Variants in SLC37A3 observed in about 807,000 individuals in gnomAD.
SLC37A3 encodes sugar phosphate exchanger 3.
In SLC37A3, 51 loss-of-function variants were observed where a neutral mutation model predicts 67.1. That is an observed-to-expected ratio of 0.76 (90% CI 0.61 to 0.96). The LOEUF is 0.96. SLC37A3 is among the 40% of genes least tolerant of loss of function. SLC37A3 has a pLI of 0.00. For missense variants in SLC37A3, 508 were observed against 603.0 expected, an observed-to-expected ratio of 0.84 and a Z score of 1.65; for synonymous variants, 214 against 231.4, an observed-to-expected ratio of 0.92 and a Z score of 0.68.
At position 140,361,919 on chromosome 7, in the gene SLC37A3, G is replaced by A. The variant is rs1428638401; in HGVS notation, c.375+2489C>T. On this transcript the variant is annotated intron_variant, in intron 5 of 14. Transcript: ENST00000326232. ...TCGCTACAACCTCCACCTCCCAGCT[G>A]CCTGCCTTGGCCCCCCAAAGTGCCG... Among the ~76,000 whole-genome samples, 11 of 146,190 alleles carry A rather than the reference G, an allele frequency of 7.5e-5. No individual in the cohort carries two copies. In the East Asian group the frequency reaches 2.3e-3, roughly 31 times the overall value.
chr7:140,338,252 AC>A (rs1255316195), intron 13 of SLC37A3, among the ~76,000 whole-genome samples: 1 of 152,164 alleles, frequency 6.6e-6, no homozygotes, highest in Non-Finnish European at 1.5e-5. Context: ...TACAACCAAC[AC>A]TACCATCTAT....
intron 3 of SLC37A3, 39 bp downstream of exon 3, chr7:140,380,243 C>T: frequency 7.6e-7 from 1 of 1,318,250 alleles, no homozygotes; most frequent in Non-Finnish European, 1.1e-6. Context: ...TGGGCACGGT[C>T]TCCTACTTCG....
At chr7:140,344,522 A>G (rs996766160) in intron 12 of SLC37A3, among the ~76,000 whole-genome samples, 2 of 149,686 alleles carry the variant, frequency 1.3e-5, no homozygotes, top group Non-Finnish European at 3.0e-5. Flanking sequence ...TTGGGAGGCC[A>G]AGGCAGGTGG....
At position 140,337,278 on chromosome 7, in the gene SLC37A3, A is replaced by G; in HGVS notation, c.1392+6T>C. 6.3e-7 allele frequency: 1 copy of G among 1,592,914 alleles called. No homozygotes were observed. The highest frequency in any genetic ancestry group is 1.8e-5 in the Admixed American group (1 of 56,336). ...CTTTTTTTTTTTTAAAGGGGCACAC[A>G]CTTACCATGAGAATGAAAAAGTAGA... On this transcript the variant is annotated splice_donor_region_variant and intron_variant, in intron 14 of 14. Transcript: ENST00000326232.
intron 1 of SLC37A3, among the ~76,000 whole-genome samples, chr7:140,385,837 C>T (rs756500431): frequency 1.4e-4 from 22 of 152,134 alleles, no homozygotes; most frequent in Non-Finnish European, 2.8e-4. Context: ...GGCTGGAATG[C>T]AGTGGCACGA....
intron 3 of SLC37A3, among the ~76,000 whole-genome samples, chr7:140,377,783 C>CT (rs1798090655): frequency 6.6e-6 from 1 of 152,158 alleles, no homozygotes; most frequent in Admixed American, 6.5e-5. Context: ...GTAGTCCCAG[C>CT]TACTCAGGAG....
rs1335616193 is a variant in SLC37A3, at chr7:140,363,183, C to G, written c.375+1225G>C. The stretch of plus-strand genomic sequence containing the variant: ...CCCCTCTGCCCGGCCACGACCCCGT[C>G]TGGGAGGTGTGCCCAGCGGCTCATT... On this transcript the variant is annotated intron_variant, in intron 5 of 14. Transcript: ENST00000326232. Among the ~76,000 whole-genome samples, 11 of 86,190 alleles carry G rather than the reference C, an allele frequency of 1.3e-4. 3 individuals carry two copies. The highest frequency in any genetic ancestry group is 2.8e-4 in the Non-Finnish European group (11 of 39,378). 56.5% of individuals were successfully genotyped at this position (86,190 alleles called of 152,430 possible). A position where few individuals can be genotyped will look rare whatever the true frequency, so the allele number is the denominator to read the frequency against.
chr7:140,362,662 C>A (rs1797387021), intron 5 of SLC37A3, among the ~76,000 whole-genome samples: 4 of 51,306 alleles, frequency 7.8e-5, no homozygotes, highest in South Asian at 1.2e-3. Flanking sequence ...CCGCCCCGTC[C>A]GGGAGGGAGG....
chr7:140,364,939 T>C (rs1647173013), intron 4 of SLC37A3, among the ~76,000 whole-genome samples: 1 of 152,220 alleles, frequency 6.6e-6, no homozygotes, highest in Admixed American at 6.5e-5. Context: ...GGATTCCTCT[T>C]AGCCATCTGC....
chr7:140,372,751 T>C (rs1416408259), intron 3 of SLC37A3, among the ~76,000 whole-genome samples: 4 of 151,812 alleles, frequency 2.6e-5, no homozygotes, highest in African/African-American at 9.7e-5. Context: ...TAATCCCAGC[T>C]ACTCAGGAAG....
intron 11 of SLC37A3, 49 bp downstream of exon 11, chr7:140,345,819 CA>C: frequency 6.9e-7 from 1 of 1,451,782 alleles, no homozygotes; most frequent in Non-Finnish European, 9.7e-7. Context: ...TGCCTTATTC[CA>C]ACCAGATTAG....
chr7:140,383,415 G>A (rs900837587), intron 1 of SLC37A3, among the ~76,000 whole-genome samples: 1 of 152,060 alleles, frequency 6.6e-6, no homozygotes, highest in Non-Finnish European at 1.5e-5. Context: ...AGGTTACAGT[G>A]AGCTATGATC....
intron 3 of SLC37A3, 48 bp downstream of exon 3, chr7:140,380,234 G>A (rs1232325200): frequency 8.7e-7 from 1 of 1,143,768 alleles, no homozygotes. Context: ...ATCTAGGGGT[G>A]GGCACGGTCT....
At chr7:140,353,206 G>A (rs1429649606) in intron 7 of SLC37A3, among the ~76,000 whole-genome samples, 2 of 152,012 alleles carry the variant, frequency 1.3e-5, no homozygotes, top group African/African-American at 4.8e-5. Context: ...AGTCAAGCTG[G>A]GCACGGTGGC....
intron 8 of SLC37A3, 75 bp downstream of exon 8, chr7:140,351,987 C>T (rs1796824760): frequency 5.0e-6 from 7 of 1,402,322 alleles, no homozygotes; most frequent in South Asian, 1.2e-5. Context: ...AAAAGAGATT[C>T]GATTTCTTGG....
intron 3 of SLC37A3, among the ~76,000 whole-genome samples, chr7:140,372,885 C>T (rs552102526): frequency 1.6e-4 from 24 of 151,886 alleles, no homozygotes; most frequent in Admixed American, 2.6e-4. Flanking sequence ...GCCAGTGTCA[C>T]GTAAGACTGT....
chr7:140,351,950 A>C, intron 8 of SLC37A3, 112 bp downstream of exon 8: 1 of 1,058,350 alleles, frequency 9.4e-7, no homozygotes, highest in Non-Finnish European at 1.4e-6. Context: ...TTCACTCACT[A>C]AAAGGAGCTC....
chr7:140,351,111 C>T (rs1796775826), intron 9 of SLC37A3, among the ~76,000 whole-genome samples, 162 bp downstream of exon 9: 1 of 152,152 alleles, frequency 6.6e-6, no homozygotes, highest in Non-Finnish European at 1.5e-5. Context: ...CATTAGAGAT[C>T]AGATAAGCTG....
At chr7:140,346,299 G>A (rs1796558159) in intron 10 of SLC37A3, among the ~76,000 whole-genome samples, 1 of 152,094 alleles carries the variant, frequency 6.6e-6, no homozygotes, top group African/African-American at 2.4e-5. Flanking sequence ...AGAATGGTGT[G>A]AACCTGGGAG....
Sources: allele counts gnomAD v4.1 joint callset (sites outside exome capture counted in the v4.1 genomes callset), GRCh38; gene constraint gnomAD v4.1.1; transcripts MANE v1.5; gene names NCBI Gene and HGNC (gene_info 2026-07-23, HGNC 2026-07-21).